TRABD2B: variants seen among roughly 807,000 people sequenced by gnomAD.
The protein encoded by TRABD2B is TraB domain containing 2B, also known as metalloprotease TIKI2.
In TRABD2B, 14 loss-of-function variants were observed where a neutral mutation model predicts 40.1. That is an observed-to-expected ratio of 0.35 (90% CI 0.23 to 0.55). The LOEUF is 0.55. TRABD2B is among the 20% of genes least tolerant of loss of function. TRABD2B has a pLI of 0.90. For missense variants in TRABD2B, 541 were observed against 648.6 expected (o/e 0.83, Z 1.80); for synonymous variants, 263 against 277.0 (o/e 0.95, Z 0.50).
intron 2 of TRABD2B, among the ~76,000 whole-genome samples, chr1:47,962,034 T>TA (rs1425397472): frequency 4.6e-5 from 7 of 152,068 alleles, no homozygotes; most frequent in Non-Finnish European, 8.8e-5. Flanking sequence ...TATGCAGCCA[T>TA]AAAAAATGAT....
chr1:47,823,666 A>T (rs1291268053), intron 2 of TRABD2B, among the ~76,000 whole-genome samples: 1 of 152,120 alleles, frequency 6.6e-6, no homozygotes, highest in Admixed American at 6.5e-5. Context: ...TGGGGTGGTG[A>T]GAGAGAGGCC....
At chr1:47,877,200 A>G (rs1457606958) in intron 2 of TRABD2B, among the ~76,000 whole-genome samples, 1 of 142,256 alleles carries the variant, frequency 7.0e-6, no homozygotes, top group African/African-American at 2.5e-5. Context: ...TATTTTGGCA[A>G]TGGGGCTGGG....
At chr1:47,877,135 T>C (rs916708117) in intron 2 of TRABD2B, among the ~76,000 whole-genome samples, 7 of 151,776 alleles carry the variant, frequency 4.6e-5, no homozygotes, top group Non-Finnish European at 8.8e-5. Flanking sequence ...AAAGGACTCT[T>C]TGAGTTTGTG....
chr1:47,945,449 T>A (rs74072093), intron 2 of TRABD2B, among the ~76,000 whole-genome samples: 2 of 152,150 alleles, frequency 1.3e-5, no homozygotes, highest in African/African-American at 2.4e-5. Flanking sequence ...AATTTACATA[T>A]AATAAATGCA....
intron 2 of TRABD2B, among the ~76,000 whole-genome samples, chr1:47,810,712 GAGGCAGC>G (rs1225027011): frequency 2.6e-5 from 4 of 152,240 alleles, no homozygotes; most frequent in Admixed American, 2.0e-4. Context: ...AGGCCATAGT[GAGGCAGC>G]AGGGAGTAGC....
chr1:47,771,459 A>G (rs1644377122), intron 6 of TRABD2B, among the ~76,000 whole-genome samples: 1 of 152,138 alleles, frequency 6.6e-6, no homozygotes, highest in Non-Finnish European at 1.5e-5. Context: ...TTGCCCAAGG[A>G]CTTCCAATCT....
chr1:47,856,023 T>G (rs936324393), intron 2 of TRABD2B, among the ~76,000 whole-genome samples: 4 of 152,218 alleles, frequency 2.6e-5, no homozygotes, highest in Admixed American at 6.5e-5. Flanking sequence ...TTCACTGTGC[T>G]GTCATGAAGA....
intron 2 of TRABD2B, among the ~76,000 whole-genome samples, chr1:47,911,342 C>T (rs895268165): frequency 6.6e-6 from 1 of 152,186 alleles, no homozygotes; most frequent in South Asian, 2.1e-4. Flanking sequence ...CATGCCAAGA[C>T]CAGTCTCCTC....
At chr1:47,897,636 C>T (rs1172678306) in intron 2 of TRABD2B, among the ~76,000 whole-genome samples, 2 of 152,202 alleles carry the variant, frequency 1.3e-5, no homozygotes, top group East Asian at 3.8e-4. Flanking sequence ...CACCTTTCTT[C>T]GTAACTACAT....
chr1:47,832,108 G>A (rs531911199), intron 2 of TRABD2B, among the ~76,000 whole-genome samples: 3 of 152,274 alleles, frequency 2.0e-5, no homozygotes, highest in East Asian at 1.9e-4. Flanking sequence ...CAAGGCGCGC[G>A]GATCACGAGG....
rs556884314 is a variant in TRABD2B at position 47,831,598 on chromosome 1, C to T, written c.667-29979G>A. 2.6e-5 allele frequency among the ~76,000 whole-genome samples: 4 copies of T among 152,074 alleles called. No individual in the cohort carries two copies. In the South Asian group the frequency reaches 6.2e-4, roughly 24 times the overall value. ...TGCTGTATGCTGGGTGATCACTCCC[C>T]CCTCTCTTTATAAAGAGAGGAGAGT... On this transcript the variant is annotated intron_variant, in intron 2 of 6. Coordinates refer to ENST00000606738, the MANE Select transcript of TRABD2B (RefSeq NM_001194986.2).
chr1:47,945,108 C>A (rs377719229), intron 2 of TRABD2B, among the ~76,000 whole-genome samples: 52 of 152,144 alleles, frequency 3.4e-4, no homozygotes, highest in Middle Eastern at 3.2e-3. Context: ...TCAGACTTCA[C>A]GGCCCAGGCA....
intron 2 of TRABD2B, among the ~76,000 whole-genome samples, chr1:47,921,282 G>C (rs1224135014): frequency 6.6e-6 from 1 of 152,178 alleles, no homozygotes; most frequent in Admixed American, 6.5e-5. Context: ...TTCTGGGCTG[G>C]AGATGATGAT....
At chr1:47,934,058 T>C (rs1470839055) in intron 2 of TRABD2B, among the ~76,000 whole-genome samples, 1 of 152,236 alleles carries the variant, frequency 6.6e-6, no homozygotes, top group Non-Finnish European at 1.5e-5. Context: ...AAGCTGATGT[T>C]ATTAAACACT....
rs753954746 is a variant in TRABD2B, at chr1:47,794,731, C to A, written c.843G>T (p.Pro281=). The A allele has an allele frequency of 2.7e-6, 4 of 1,506,006 alleles. No homozygotes were observed. In the East Asian group the frequency reaches 7.8e-5, roughly 29 times the overall value. 93.3% of individuals were successfully genotyped at this position (1,506,006 alleles called of 1,614,324 possible). ...CCTGGGCCGTCACCTGCTCGTGTGG[C>A]GGGAGGGTGGTGTTGATAAAGTTGG... ...QLPNFINTTL[P]PHEQVTAQEI... The change falls in exon 4 of 7, where the codon CCG becomes CCT. Residue 281 remains proline (P), a synonymous_variant. Transcript: ENST00000606738.
At chr1:47,986,817 G>C (rs1306833423) in intron 2 of TRABD2B, among the ~76,000 whole-genome samples, 1 of 152,214 alleles carries the variant, frequency 6.6e-6, no homozygotes, top group Non-Finnish European at 1.5e-5. Flanking sequence ...AGATTTAAAA[G>C]CCTGTGGATC....
At chr1:47,831,861 C>T (rs527408740) in intron 2 of TRABD2B, among the ~76,000 whole-genome samples, 19 of 152,270 alleles carry the variant, frequency 1.2e-4, no homozygotes, top group Admixed American at 7.2e-4. Flanking sequence ...GTCGCTCATC[C>T]TTTACTTGAA....
chr1:47,794,391 G>C (rs974092284), intron 4 of TRABD2B, among the ~76,000 whole-genome samples, 195 bp downstream of exon 4: 2 of 152,122 alleles, frequency 1.3e-5, no homozygotes, highest in African/African-American at 4.8e-5. Flanking sequence ...CTTTCCCGTG[G>C]GGACCGTTAT....
In TRABD2B at chr1:47,795,800, C is replaced by T. The variant is rs942937733; in HGVS notation, c.814-1040G>A. The T allele has an allele frequency of 1.4e-5, 10 of 719,624 alleles. No individual in the cohort carries two copies. In the African/African-American group the frequency reaches 1.9e-4, roughly 14 times the overall value. The allele number at this position is 719,624 out of a possible 1,614,324, so 44.6% of individuals were successfully genotyped here. A position where few individuals can be genotyped will look rare whatever the true frequency, so the allele number is the denominator to read the frequency against. On this transcript the variant is annotated intron_variant, in intron 3 of 6. Coordinates refer to ENST00000606738, the MANE Select transcript of TRABD2B (RefSeq NM_001194986.2). The stretch of plus-strand genomic sequence containing the variant: ...ACTTTCCAGGACATAATGCAAATGC[C>T]TCCATCCCTTTTTGAATACCTCAAC...
Sources: allele counts gnomAD v4.1 joint callset (sites outside exome capture counted in the v4.1 genomes callset), GRCh38; gene constraint gnomAD v4.1.1; transcripts MANE v1.5; gene names NCBI Gene and HGNC (gene_info 2026-07-23, HGNC 2026-07-21).